UBR3: variants seen among roughly 807,000 people sequenced by gnomAD.
UBR3 encodes the protein ubiquitin protein ligase E3 component n-recognin 3.
In UBR3, 85 loss-of-function variants were observed where a neutral mutation model predicts 243.2. The observed-to-expected ratio is 0.35, with a 90% CI of 0.29 to 0.42. The LOEUF is 0.42. Among genes scored for constraint, UBR3 ranks in the 10% least tolerant of loss-of-function variants. UBR3 has a pLI of 1.00. For missense variants in UBR3, 1,686 were observed against 2,300.8 expected (o/e 0.73, Z 5.47); for synonymous variants, 748 against 799.8 (o/e 0.94, Z 1.09).
rs145567252 is a variant in UBR3 at position 169,929,691 on chromosome 2, G to A, written c.2566+823G>A. Among the ~76,000 whole-genome samples the A allele has an allele frequency of 3.6e-4, 55 of 152,272 alleles. 2 individuals are homozygous for A. The East Asian group carries it at 0.01, about 29-fold the overall frequency. ...TGATTGGTTTTGGAAGGTTTCTCCC[G>A]CATAGATTCATAGTTGACATCCTTG... On this transcript the variant is annotated intron_variant, in intron 18 of 38. Coordinates refer to ENST00000272793, the MANE Select transcript of UBR3 (RefSeq NM_172070.4).
At chr2:169,885,452 A>G (rs2084055009) in intron 5 of UBR3, among the ~76,000 whole-genome samples, 1 of 152,130 alleles carries the variant, frequency 6.6e-6, no homozygotes, top group Admixed American at 6.5e-5. Flanking sequence ...GTGGTGGCAC[A>G]TGCCTGTAAT....
At chr2:169,970,121 A>G (rs2088040093) in intron 24 of UBR3, among the ~76,000 whole-genome samples, 1 of 151,268 alleles carries the variant, frequency 6.6e-6, no homozygotes, top group Non-Finnish European at 1.5e-5. Flanking sequence ...TATTCTTCCA[A>G]TCCATGACAT....
chr2:169,915,877 A>G (rs13033371), intron 11 of UBR3, among the ~76,000 whole-genome samples: 63,505 of 151,978 alleles, frequency 0.42, 15,055 homozygotes, highest in Non-Finnish European at 0.54. Flanking sequence ...TTACTATTTG[A>G]TGCTCAGATT....
At chr2:170,056,284 G>A (rs2091334679) in intron 33 of UBR3, among the ~76,000 whole-genome samples, 1 of 152,104 alleles carries the variant, frequency 6.6e-6, no homozygotes, top group Admixed American at 6.5e-5. Flanking sequence ...GGGATTACAG[G>A]CATGAGCCAC....
At chr2:169,946,248 G>A in intron 20 of UBR3, 40 bp from the exon 21 acceptor site, 1 of 1,204,060 alleles carries the variant, frequency 8.3e-7, no homozygotes, top group Non-Finnish European at 1.1e-6. Context: ...ACCTTTTGTG[G>A]AAAAAAGTAA....
chr2:169,975,105 G>A (rs2088365410), intron 24 of UBR3, among the ~76,000 whole-genome samples: 1 of 152,140 alleles, frequency 6.6e-6, no homozygotes, highest in South Asian at 2.1e-4. Context: ...GGGAGGTGGA[G>A]GTTGCAGTAA....
chr2:169,947,840 T>G, intron 22 of UBR3, 125 bp downstream of exon 22: 1 of 1,242,796 alleles, frequency 8.0e-7, no homozygotes, highest in Admixed American at 4.2e-5. Flanking sequence ...TTAAATTGTC[T>G]TTTATTTCCT....
At position 169,912,848 on chromosome 2, in the gene UBR3, A is replaced by G. The variant is rs531743971; in HGVS notation, c.1780-1212A>G. ...CATGCTGGAGTGCAGTAGCATGATC[A>G]TAGCTCATTGCATCCTTAAAATCCT... On this transcript the variant is annotated intron_variant, in intron 10 of 38. Transcript: ENST00000272793. Among the ~76,000 whole-genome samples the G allele has an allele frequency of 5.9e-5, 9 of 152,060 alleles. No homozygotes were observed. In the South Asian group the frequency reaches 1.9e-3, roughly 32 times the overall value.
chr2:170,057,887 A>T (rs759437776), intron 33 of UBR3, among the ~76,000 whole-genome samples: 1 of 152,162 alleles, frequency 6.6e-6, no homozygotes, highest in African/African-American at 2.4e-5. Flanking sequence ...AGGTTGATTT[A>T]CTACGTTATT....
At chr2:169,948,180 A>C (rs967098421) in intron 22 of UBR3, among the ~76,000 whole-genome samples, 7 of 151,658 alleles carry the variant, frequency 4.6e-5, no homozygotes, top group African/African-American at 1.7e-4. Flanking sequence ...TTTTCTTATT[A>C]GTGTTCGAAG....
At chr2:170,055,407 T>G in intron 32 of UBR3, 53 bp from the exon 33 acceptor site, 2 of 1,586,762 alleles carry the variant, frequency 1.3e-6, no homozygotes, top group Non-Finnish European at 1.7e-6. Context: ...AAAACTATGT[T>G]GAGTACAAAA....
intron 5 of UBR3, among the ~76,000 whole-genome samples, chr2:169,880,565 A>AT (rs2083783422): frequency 6.6e-6 from 1 of 152,018 alleles, no homozygotes; most frequent in Non-Finnish European, 1.5e-5. Flanking sequence ...TTGCAACAAC[A>AT]TTCTATTTTA....
At chr2:169,981,413 G>A (rs137921810) in intron 24 of UBR3, among the ~76,000 whole-genome samples, 1 of 152,060 alleles carries the variant, frequency 6.6e-6, no homozygotes, top group Non-Finnish European at 1.5e-5. Context: ...CTCTAAAATC[G>A]ATAACCTTAG....
At chr2:170,047,285 C>T (rs1159813148) in intron 32 of UBR3, among the ~76,000 whole-genome samples, 1 of 152,138 alleles carries the variant, frequency 6.6e-6, no homozygotes, top group Non-Finnish European at 1.5e-5. Context: ...GCTGGAATTA[C>T]AGGCATGAGC....
Position 169,827,811 on chromosome 2 carries a change from G to A in UBR3, c.304G>A (p.Gly102Ser). The change falls in exon 1 of 39, where the codon GGC (glycine) becomes AGC (serine). Residue 102 changes from glycine to serine, a missense_variant. Coordinates refer to ENST00000272793, the MANE Select transcript of UBR3 (RefSeq NM_172070.4). ...EWCKCLLAGGGGYDEFCAAVR... is the reference protein window; with the variant it reads ...EWCKCLLAGGSGYDEFCAAVR... ...GTGTAAGTGCCTTCTGGCGGGCGGC[G>A]GCGGCTACGACGAGTTCTGCGCGGC... The A allele has an allele frequency of 6.7e-7, 1 of 1,496,620 alleles. No homozygotes were observed. The highest frequency in any genetic ancestry group is 2.2e-5 in the Admixed American group (1 of 46,332). The allele number at this position is 1,496,620 out of a possible 1,614,324, so 92.7% of individuals were successfully genotyped here. A position where few individuals can be genotyped will look rare whatever the true frequency, so the allele number is the denominator to read the frequency against.
rs142635099 is a variant in UBR3 at position 169,909,080 on chromosome 2, C to G, written c.1779+2916C>G. The stretch of plus-strand genomic sequence containing the variant: ...CCTCGTGATCCGCCTGCCTCGGCCT[C>G]CCAAAGTGCTGGGATTACAGGCGTG... On this transcript the variant is annotated intron_variant, in intron 10 of 38. Transcript: ENST00000272793. 5.6e-3 allele frequency among the ~76,000 whole-genome samples: 852 copies of G among 152,232 alleles called. 7 individuals are homozygous for G. Among genetic ancestry groups the G allele is most frequent in the African/African-American group, 0.019 (804 of 41,546 alleles).
At chr2:170,015,106 C>T (rs928755220) in intron 29 of UBR3, 175 bp from the exon 30 acceptor site, 3 of 516,932 alleles carry the variant, frequency 5.8e-6, no homozygotes, top group Non-Finnish European at 1.0e-5. Flanking sequence ...AAATTGTTCC[C>T]TTTGTATTTC....
intron 22 of UBR3, chr2:169,948,082 T>G: frequency 6.0e-6 from 2 of 333,718 alleles, no homozygotes; most frequent in Non-Finnish European, 8.5e-6. Context: ...TATGTGTGTT[T>G]TTTTTTTTTG....
chr2:169,845,500 CA>C (rs2082437599), intron 1 of UBR3, among the ~76,000 whole-genome samples: 3 of 36,200 alleles, frequency 8.3e-5, no homozygotes, highest in Non-Finnish European at 2.5e-4. Flanking sequence ...TCTTCGTCGT[CA>C]TCGTCGTCGT....
Sources: gnomAD v4.1 joint callset for allele counts (sites outside exome capture counted in the v4.1 genomes callset) on GRCh38, gnomAD v4.1.1 for gene constraint, MANE v1.5 for transcripts, NCBI Gene and HGNC (gene_info 2026-07-23, HGNC 2026-07-21) for gene names.